CLCN6: variants seen among roughly 807,000 people sequenced by gnomAD.
CLCN6 encodes the protein H(+)/Cl(-) exchange transporter 6.
In CLCN6, 70 loss-of-function variants were observed where a neutral mutation model predicts 109.8. That is an observed-to-expected ratio of 0.64 (90% confidence interval 0.53 to 0.78). The LOEUF (loss-of-function observed/expected upper bound fraction) is 0.78. Among genes scored for constraint, CLCN6 ranks in the 30% least tolerant of loss-of-function variants. The pLI is 0.00. For missense variants in CLCN6, 984 were observed against 1,142.3 expected, an observed-to-expected ratio of 0.86 and a Z score of 2.00; for synonymous variants, 444 against 447.8, an observed-to-expected ratio of 0.99 and a Z score of 0.11.
At position 11,829,217 on chromosome 1, in the gene CLCN6, G is replaced by A. The variant is rs777613281; in HGVS notation, c.1143G>A (p.Val381=). The A allele has an allele frequency of 1.9e-6, 3 of 1,614,074 alleles. No homozygotes were observed. The highest frequency in any genetic ancestry group is 1.3e-5 in the African/African-American group (1 of 75,020). The change falls in exon 13 of 23, where the codon GTG becomes GTA. Residue 381 remains valine, a synonymous_variant. Coordinates refer to ENST00000346436, the MANE Select transcript of CLCN6 (RefSeq NM_001286.5). The part of the protein sequence containing the change: ...KLVRVLESLL[V]SLVTTVVVFV... The stretch of plus-strand genomic sequence containing the variant: ...CTAGAGTCTTAGAGAGCCTCCTTGT[G>A]TCTCTGGTAACCACCGTGGTGGTGT...
intron 11 of CLCN6, 113 bp from the exon 12 acceptor site, chr1:11,828,345 C>A: frequency 2.1e-6 from 3 of 1,449,204 alleles, no homozygotes; most frequent in South Asian, 1.2e-5. Flanking sequence ...CACCCATTAG[C>A]CTCTGCCGTG....
chr1:11,833,939 AC>A lies in CLCN6; in HGVS notation c.1436del (p.Thr479IlefsTer24), dbSNP rs1440601030. On this transcript the variant is annotated frameshift_variant, in exon 15 of 23. Transcript: ENST00000346436. LOFTEE classifies it high-confidence loss of function. The part of the protein sequence containing the change: ...FVLYFLLACW[T>X]YGISVPSGLF... The stretch of plus-strand genomic sequence containing the variant: ...TCTCTATTTCTTGCTTGCATGTTGG[AC>A]TTACGGCATTTCTGTTCCAAGTGGC... 1 of 1,613,858 alleles carries A rather than the reference AC, an allele frequency of 6.2e-7. No homozygotes were observed. The highest frequency in any genetic ancestry group is 1.7e-5 in the Admixed American group (1 of 59,906).
chr1:11,833,608 T>C lies in CLCN6; in HGVS notation c.1342T>C (p.Ser448Pro). The C allele has an allele frequency of 6.2e-7, 1 of 1,613,632 alleles. No individual in the cohort carries two copies. The highest frequency in any genetic ancestry group is 8.5e-7 in the Non-Finnish European group (1 of 1,179,988). Residue 448 changes from serine (S) to proline (P), a missense_variant, in exon 14 of 23, where the codon TCT (serine) becomes CCT (proline). Physicochemically the swap from Ser to Pro is moderately conservative, Grantham distance 74. Coordinates refer to ENST00000346436, the MANE Select transcript of CLCN6 (RefSeq NM_001286.5). ...MATLFFNPQE[S>P]AILQLFHQDG... The stretch of plus-strand genomic sequence containing the variant: ...CACACTCTTCTTCAACCCGCAGGAG[T>C]CTGCCATCCTCCAGCTCTTCCACCA...
At chr1:11,833,255 G>A (rs942220356) in intron 13 of CLCN6, among the ~76,000 whole-genome samples, 43 of 152,080 alleles carry the variant, frequency 2.8e-4, no homozygotes, top group Non-Finnish European at 5.9e-4. Flanking sequence ...CCAAATTCAC[G>A]GTGAATCACG....
chr1:11,823,683 G>A (rs751513711), intron 6 of CLCN6, 24 bp from the exon 7 acceptor site: 3 of 1,613,964 alleles, frequency 1.9e-6, no homozygotes, highest in Non-Finnish European at 2.5e-6. Flanking sequence ...TCGAGTTATG[G>A]GTGTGCCTGC....
At position 11,829,192 on chromosome 1, in the gene CLCN6, C is replaced by T. The variant is rs374061722; in HGVS notation, c.1122-4C>T. ...CGTTGTAACAGCTGTGCTTTGCCTC[C>T]TAGAGTCTTAGAGAGCCTCCTTGTG... is the stretch of plus-strand genomic sequence containing the variant. On this transcript the variant is annotated splice_polypyrimidine_tract_variant and splice_region_variant and intron_variant, in intron 12 of 22. Coordinates refer to ENST00000346436, the MANE Select transcript of CLCN6 (RefSeq NM_001286.5). 67 of 1,613,492 alleles carry T rather than the reference C, an allele frequency of 4.2e-5. No individual in the cohort carries two copies. The highest frequency in any genetic ancestry group is 5.3e-5 in the Non-Finnish European group (63 of 1,179,764).
Position 11,823,765 on chromosome 1 carries a change from T to C in CLCN6, c.512T>C (p.Val171Ala), listed in dbSNP as rs1192713808. The part of the protein sequence containing the change: ...EVKCYLNGVK[V>A]PGIVRLRTLL... ...AAATGCTATCTGAATGGCGTAAAGG[T>C]GCCAGGAATCGTCCGTCTCCGGACC... The change falls in exon 7 of 23, where the codon GTG becomes GCG. Residue 171 changes from valine (V) to alanine (A), a missense_variant. Physicochemically the swap from Val to Ala is moderately conservative, Grantham distance 64. Transcript: ENST00000346436. 1 of 1,614,262 alleles carries C rather than the reference T, an allele frequency of 6.2e-7. No homozygotes were observed. The highest frequency in any genetic ancestry group is 1.7e-5 in the Admixed American group (1 of 60,032).
Position 11,833,944 on chromosome 1 carries a change from C to G in CLCN6, c.1440C>G (p.Tyr480Ter), listed in dbSNP as rs779358393. ...ATTTCTTGCTTGCATGTTGGACTTA[C>G]GGCATTTCTGTTCCAAGTGGCCTTT... ...VLYFLLACWT[Y>*]GISVPSGLFV... The change falls in exon 15 of 23, where the codon TAC (tyrosine) becomes TAG (stop). Residue 480 changes from tyrosine to a stop codon, truncating the protein, a stop_gained. Coordinates refer to ENST00000346436, the MANE Select transcript of CLCN6 (RefSeq NM_001286.5). LOFTEE classifies it high-confidence loss of function. 5 of 1,614,064 alleles carry G rather than the reference C, an allele frequency of 3.1e-6. No homozygotes were observed. Among genetic ancestry groups the G allele is most frequent in the Non-Finnish European group, 4.2e-6 (5 of 1,180,018 alleles).
rs1432456591 is a variant in CLCN6 at position 11,829,304 on chromosome 1, T to C, written c.1230T>C (p.Asn410=). ...TGTCCTCTTCGAGTCAAATCGGTAA[T>C]GACTCATTCCAGCTCCAGGTAACCC... ...RQMSSSSQIG[N]DSFQLQVTED... The change falls in exon 13 of 23, where the codon AAT becomes AAC. Residue 410 remains asparagine, a synonymous_variant. Transcript: ENST00000346436. The C allele has an allele frequency of 6.2e-7, 1 of 1,614,038 alleles. No individual in the cohort carries two copies.
At chr1:11,816,948 C>T (rs1445330916) in intron 4 of CLCN6, among the ~76,000 whole-genome samples, 3 of 151,798 alleles carry the variant, frequency 2.0e-5, no homozygotes, top group Non-Finnish European at 2.9e-5. Context: ...GCTCTTGAAG[C>T]GCTCAAAGGT....
intron 20 of CLCN6, among the ~76,000 whole-genome samples, chr1:11,837,733 C>G (rs1018107925): frequency 6.6e-6 from 1 of 152,162 alleles, no homozygotes; most frequent in Non-Finnish European, 1.5e-5. Context: ...GGGCAGCGCT[C>G]CCTGGCTCTG....
chr1:11,825,112 A>G (rs1000097776), intron 8 of CLCN6, among the ~76,000 whole-genome samples: 10 of 152,202 alleles, frequency 6.6e-5, no homozygotes, highest in African/African-American at 2.4e-4. Flanking sequence ...TCGAGACCTC[A>G]AAGCTCCCAT....
At chr1:11,821,577 ACTC>A (rs531097086) in intron 5 of CLCN6, among the ~76,000 whole-genome samples, 8 of 152,244 alleles carry the variant, frequency 5.3e-5, no homozygotes, top group South Asian at 4.1e-4. Flanking sequence ...TACAGGAAGA[ACTC>A]CTGCAACTCA....
chr1:11,837,616 T>G (rs1644967193), intron 20 of CLCN6, 117 bp downstream of exon 20: 1 of 1,041,024 alleles, frequency 9.6e-7, no homozygotes, highest in Admixed American at 2.3e-5. Flanking sequence ...AGGCGAGAAG[T>G]GCAGAGTGGA....
intron 11 of CLCN6, 86 bp downstream of exon 11, chr1:11,828,305 G>T: frequency 6.9e-7 from 1 of 1,441,284 alleles, no homozygotes. Context: ...AATGAGCAGA[G>T]GGCTAGGTAC....
intron 10 of CLCN6, 79 bp from the exon 11 acceptor site, chr1:11,828,027 G>A (rs943600072): frequency 6.7e-6 from 7 of 1,040,182 alleles, no homozygotes; most frequent in African/African-American, 6.3e-5. Context: ...GTAGAGCAGT[G>A]GGTACCAGGA....
At chr1:11,835,248 C>A (rs2100655268) in intron 17 of CLCN6, among the ~76,000 whole-genome samples, 1 of 152,216 alleles carries the variant, frequency 6.6e-6, no homozygotes, top group East Asian at 1.9e-4. Flanking sequence ...TAAAGGGGGA[C>A]CCAAGTGCTG....
chr1:11,807,001 T>G, intron 1 of CLCN6, 130 bp from the exon 2 acceptor site: 1 of 786,872 alleles, frequency 1.3e-6, no homozygotes, highest in Non-Finnish European at 2.1e-6. Context: ...AGGTTTTTTT[T>G]GAGGGCTGGT....
At chr1:11,814,002 T>C (rs578242766) in intron 2 of CLCN6, among the ~76,000 whole-genome samples, 1 of 152,216 alleles carries the variant, frequency 6.6e-6, no homozygotes, top group Non-Finnish European at 1.5e-5. Context: ...TTTGGATGTA[T>C]AATTGATTTA....
Sources: allele counts gnomAD v4.1 joint callset (sites outside exome capture counted in the v4.1 genomes callset), GRCh38; gene constraint gnomAD v4.1.1; transcripts MANE v1.5; gene names NCBI Gene and HGNC (gene_info 2026-07-23, HGNC 2026-07-21).